Variants in PCDHA6 observed in about 807,000 individuals in gnomAD.
PCDHA6 encodes protocadherin alpha 6, also known as protocadherin alpha-6.
Under a neutral mutation model 60.3 loss-of-function variants are expected in PCDHA6, and 55 were observed. The ratio of observed to expected loss-of-function variants is 0.91; its 90% CI spans 0.73 to 1.14. The LOEUF is 1.14. PCDHA6 is among the 50% of genes most tolerant of loss of function. PCDHA6 has a pLI of 0.00. For synonymous variants in PCDHA6, 652 were observed against 557.9 expected, an observed-to-expected ratio of 1.17 and a Z score of -2.38; for missense variants, 1,327 against 1,256.5, an observed-to-expected ratio of 1.06 and a Z score of -0.85.
intron 1 of PCDHA6, chr5:140,968,616 A>G (rs782318101): frequency 6.2e-7 from 1 of 1,614,154 alleles, no homozygotes; most frequent in Admixed American, 1.7e-5. Flanking sequence ...TCTGGGCAAA[A>G]TGCTTGGCTT....
intron 1 of PCDHA6, among the ~76,000 whole-genome samples, chr5:140,879,326 T>C (rs1554170752): frequency 6.6e-6 from 1 of 152,232 alleles, no homozygotes. Flanking sequence ...CTCACTTTTT[T>C]AGTTTGTTCA....
At chr5:140,973,753 G>A (rs935956688) in intron 1 of PCDHA6, among the ~76,000 whole-genome samples, 1 of 152,244 alleles carries the variant, frequency 6.6e-6, no homozygotes, top group Non-Finnish European at 1.5e-5. Flanking sequence ...ACACTCTGCA[G>A]GGACACAGCC....
chr5:140,926,756 G>T, intron 1 of PCDHA6: 1 of 1,289,704 alleles, frequency 7.8e-7, no homozygotes, highest in South Asian at 2.2e-5. Context: ...GGCGGTCGCT[G>T]AGTATCCAGC....
chr5:140,841,666 G>A, intron 1 of PCDHA6: 1 of 1,613,974 alleles, frequency 6.2e-7, no homozygotes, highest in Non-Finnish European at 8.5e-7. Flanking sequence ...GGCCGCTGCA[G>A]GTTTTCCATG....
chr5:140,934,915 A>G (rs1324840546), intron 1 of PCDHA6, among the ~76,000 whole-genome samples: 3 of 152,132 alleles, frequency 2.0e-5, no homozygotes, highest in Non-Finnish European at 4.4e-5. Context: ...ATAATTATGG[A>G]TTCACATAAA....
intron 3 of PCDHA6, among the ~76,000 whole-genome samples, chr5:141,000,415 A>ATTT (rs1563651650): frequency 1.1e-5 from 1 of 87,398 alleles, no homozygotes; most frequent in South Asian, 4.0e-4. Flanking sequence ...ATATATATAT[A>ATTT]TATATATTTT....
chr5:140,884,514 C>A (rs368331245), intron 1 of PCDHA6: 13 of 1,614,176 alleles, frequency 8.1e-6, no homozygotes, highest in East Asian at 2.2e-5. Context: ...GGGAGTTGGT[C>A]GTACTCGCAG....
intron 1 of PCDHA6, among the ~76,000 whole-genome samples, chr5:140,933,221 G>A (rs952837794): frequency 2.0e-5 from 3 of 151,758 alleles, no homozygotes; most frequent in Non-Finnish European, 4.4e-5. Flanking sequence ...CTGTTATATT[G>A]CATTTATGAA....
In PCDHA6 at chr5:141,009,796, T is replaced by C; in HGVS notation, c.2712T>C (p.Thr904=). The C allele has an allele frequency of 6.2e-7, 1 of 1,614,046 alleles. No individual in the cohort carries two copies. The highest frequency in any genetic ancestry group is 8.5e-7 in the Non-Finnish European group (1 of 1,180,016). Residue 904 remains threonine (T), a synonymous_variant, in exon 4 of 4, where the codon ACT becomes ACC. Coordinates refer to ENST00000529310, the MANE Select transcript of PCDHA6 (RefSeq NM_018909.4). ...PAIISIRQEP[T]NSQIDKSDFI... ...TCATCTCCATCCGGCAGGAGCCTACTAACAGCCAAATTGACAAAAGTGACT... is the reference window on the plus strand; with the variant it reads ...TCATCTCCATCCGGCAGGAGCCTACCAACAGCCAAATTGACAAAAGTGACT...
chr5:140,830,000 C>A lies in PCDHA6; in HGVS notation c.1909C>A (p.Leu637Met). ...YTGEISTTRV[L>M]DEADSPRHRL... ...GGGCGAGATCAGCACCACTCGTGTCCTGGACGAAGCGGACTCTCCGCGCCA... is the reference window on the plus strand; with the variant it reads ...GGGCGAGATCAGCACCACTCGTGTCATGGACGAAGCGGACTCTCCGCGCCA... Residue 637 changes from leucine to methionine, a missense_variant, in exon 1 of 4, where the codon CTG becomes ATG. Leu to Met is a conservative substitution (Grantham distance 15). Coordinates refer to ENST00000529310, the MANE Select transcript of PCDHA6 (RefSeq NM_018909.4). 6.2e-7 allele frequency: 1 copy of A among 1,613,984 alleles called. No individual in the cohort carries two copies. The highest frequency in any genetic ancestry group is 1.1e-5 in the South Asian group (1 of 91,074).
chr5:140,875,993 T>C lies in PCDHA6; in HGVS notation c.2394+45508T>C, dbSNP rs574636926. 5 of 1,613,988 alleles carry C rather than the reference T, an allele frequency of 3.1e-6. No homozygotes were observed. The Admixed American group carries it at 6.7e-5, about 22-fold the overall frequency. On this transcript the variant is annotated intron_variant, in intron 1 of 3. Transcript: ENST00000529310. The stretch of plus-strand genomic sequence containing the variant: ...TCTCTTTTGACCTATGCGTTAAGTC[T>C]AAATGAGAATTTTGAGCTTAAAATA...
intron 1 of PCDHA6, chr5:140,851,253 T>C: frequency 2.8e-6 from 3 of 1,086,078 alleles, no homozygotes; most frequent in Non-Finnish European, 2.3e-6. Context: ...TGATGCATAG[T>C]ATTTTAGTCT....
chr5:140,875,210 AAAAGAACCTC>A (rs2055354064), intron 1 of PCDHA6: 1 of 696,510 alleles, frequency 1.4e-6, no homozygotes, highest in Non-Finnish European at 2.1e-6. Context: ...GGCTAAACCG[AAAAGAACCTC>A]AGGATCTTTC....
chr5:140,881,332 C>T (rs923599590), intron 1 of PCDHA6: 7 of 984,540 alleles, frequency 7.1e-6, no homozygotes, highest in South Asian at 9.4e-5. Flanking sequence ...TTAACCAGGA[C>T]GCCGATTCGG....
intron 1 of PCDHA6, among the ~76,000 whole-genome samples, chr5:140,958,355 C>A (rs2095420165): frequency 6.6e-6 from 1 of 152,064 alleles, no homozygotes; most frequent in Admixed American, 6.6e-5. Context: ...CACAGTCTGA[C>A]TTTATCAGGA....
At chr5:140,870,318 G>T in intron 1 of PCDHA6, 1 of 1,614,178 alleles carries the variant, frequency 6.2e-7, no homozygotes, top group Non-Finnish European at 8.5e-7. Context: ...ATTACTACTC[G>T]TTGGTGCTGG....
chr5:140,841,588 G>A (rs2150318650), intron 1 of PCDHA6: 2 of 1,614,070 alleles, frequency 1.2e-6, no homozygotes, highest in South Asian at 2.2e-5. Flanking sequence ...TGAATTCTCG[G>A]ATCGACCGCG....
chr5:140,836,185 C>T, intron 1 of PCDHA6: 1 of 1,613,828 alleles, frequency 6.2e-7, no homozygotes, highest in Non-Finnish European at 8.5e-7. Context: ...GACGCTGACT[C>T]AGGCTACAAC....
intron 1 of PCDHA6, among the ~76,000 whole-genome samples, chr5:140,941,259 T>TTCTTTCTTTC (rs1554214226): frequency 2.6e-4 from 32 of 121,828 alleles, no homozygotes; most frequent in African/African-American, 6.8e-4. Flanking sequence ...TTCTTTCTCT[T>TTCTTTCTTTC]TCTTTCTTTC....
Sources: gnomAD v4.1 joint callset for allele counts (sites outside exome capture counted in the v4.1 genomes callset) on GRCh38, gnomAD v4.1.1 for gene constraint, MANE v1.5 for transcripts, NCBI Gene and HGNC (gene_info 2026-07-23, HGNC 2026-07-21) for gene names.